SV2C: variants seen among roughly 807,000 people sequenced by gnomAD.
The protein encoded by SV2C is synaptic vesicle glycoprotein 2C.
A neutral mutation model predicts 79.7 loss-of-function variants in SV2C; 49 were observed. The ratio of observed to expected loss-of-function variants is 0.61; its 90% CI spans 0.49 to 0.78. The LOEUF (loss-of-function observed/expected upper bound fraction) is 0.78, where lower values mean the gene tolerates loss of function less well. Among genes scored for constraint, SV2C ranks in the 30% least tolerant of loss-of-function variants. The pLI, the probability that SV2C is intolerant of heterozygous loss-of-function variation, is 0.00. For missense variants in SV2C, 833 were observed against 912.9 expected (o/e 0.91, Z 1.13); for synonymous variants, 334 against 333.2 (o/e 1.00, Z -0.03).
At chr5:76,129,974 A>C (rs1029711772) in intron 1 of SV2C, among the ~76,000 whole-genome samples, 3 of 151,962 alleles carry the variant, frequency 2.0e-5, no homozygotes, top group African/African-American at 7.3e-5. Context: ...TTTTTAAAGT[A>C]GGAAATGTCT....
the SV2C span, among the ~76,000 whole-genome samples, chr5:75,879,902 A>T: frequency 6.6e-6 from 1 of 152,182 alleles, no homozygotes; most frequent in Non-Finnish European, 1.5e-5. Flanking sequence ...ATCTAGGTGG[A>T]ACTCACCAAG....
chr5:75,978,822 C>T, the SV2C span, among the ~76,000 whole-genome samples: 26 of 152,012 alleles, frequency 1.7e-4, no homozygotes, highest in African/African-American at 6.0e-4. Context: ...GGGCTGGGTG[C>T]AGTGGCTCAT....
chr5:76,289,672 A>G (rs893936142), intron 6 of SV2C, among the ~76,000 whole-genome samples: 2 of 152,118 alleles, frequency 1.3e-5, no homozygotes, highest in Non-Finnish European at 2.9e-5. Flanking sequence ...CTGGCCTTCT[A>G]CTATCCTTCA....
chr5:76,223,766 G>T (rs1745161254), intron 4 of SV2C, among the ~76,000 whole-genome samples: 1 of 151,844 alleles, frequency 6.6e-6, no homozygotes, highest in South Asian at 2.1e-4. Context: ...GTCTTAATCT[G>T]CTCAGGCTGC....
chr5:76,174,042 C>T, intron 2 of SV2C: 2 of 1,569,686 alleles, frequency 1.3e-6, no homozygotes, highest in South Asian at 2.2e-5. Context: ...CACTGTTGTG[C>T]ATCTACTTCA....
chr5:76,311,634 T>C (rs753103019), intron 12 of SV2C, among the ~76,000 whole-genome samples: 5 of 152,242 alleles, frequency 3.3e-5, no homozygotes, highest in Non-Finnish European at 7.3e-5. Context: ...AGAGAGCCTA[T>C]TATATGTAAT....
rs77401771 is a variant in SV2C, at chr5:76,252,701, G to C, written c.914-32461G>C. On this transcript the variant is annotated intron_variant, in intron 4 of 12. Coordinates refer to ENST00000502798, the MANE Select transcript of SV2C (RefSeq NM_014979.4). ...TTTTTCTTTTAACAACATTGAAAAA[G>C]AATCAAATAAGCTAGTAGATCGTTA... is the stretch of plus-strand genomic sequence containing the variant. Among the ~76,000 whole-genome samples, 31 of 152,266 alleles carry C rather than the reference G, an allele frequency of 2.0e-4. No homozygotes were observed. In the East Asian group the frequency reaches 6.0e-3, roughly 29 times the overall value.
intron 12 of SV2C, among the ~76,000 whole-genome samples, 158 bp downstream of exon 12, chr5:76,301,703 G>A (rs1363020397): frequency 6.6e-6 from 1 of 152,090 alleles, no homozygotes. Flanking sequence ...GTGGTCAGGA[G>A]TTCGAGACCA....
At chr5:76,257,582 G>T (rs1746326192) in intron 4 of SV2C, among the ~76,000 whole-genome samples, 2 of 151,188 alleles carry the variant, frequency 1.3e-5, no homozygotes, top group Admixed American at 6.6e-5. Context: ...ACATGGATAT[G>T]TGTGGTATGG....
At chr5:75,958,635 T>A in the SV2C span, among the ~76,000 whole-genome samples, 1 of 152,146 alleles carries the variant, frequency 6.6e-6, no homozygotes, top group Non-Finnish European at 1.5e-5. Context: ...GAACAGCTTC[T>A]AGTCACTACT....
intron 4 of SV2C, among the ~76,000 whole-genome samples, chr5:76,280,152 G>C (rs1284493304): frequency 6.6e-6 from 1 of 152,082 alleles, no homozygotes; most frequent in Non-Finnish European, 1.5e-5. Context: ...GTATAAAATG[G>C]TTTTGGATAC....
the SV2C span, among the ~76,000 whole-genome samples, chr5:75,928,759 A>C: frequency 6.6e-6 from 1 of 152,072 alleles, no homozygotes; most frequent in African/African-American, 2.4e-5. Flanking sequence ...GGTTTAAGGA[A>C]GCTTGGAAGA....
the SV2C span, among the ~76,000 whole-genome samples, chr5:76,075,270 G>A: frequency 3.3e-5 from 5 of 152,192 alleles, no homozygotes; most frequent in East Asian, 7.7e-4. Flanking sequence ...TTATATTTTC[G>A]GGAGTAAGGA....
chr5:76,038,074 T>C, the SV2C span, among the ~76,000 whole-genome samples: 4 of 152,220 alleles, frequency 2.6e-5, no homozygotes, highest in African/African-American at 9.6e-5. Flanking sequence ...ACTTCCGGAG[T>C]GAGGCAATGC....
At chr5:75,871,785 C>A in the SV2C span, among the ~76,000 whole-genome samples, 2 of 149,482 alleles carry the variant, frequency 1.3e-5, no homozygotes, top group African/African-American at 4.9e-5. Context: ...TCCAGCCTGG[C>A]AACAGAGCGA....
chr5:76,245,673 T>G (rs1745922269), intron 4 of SV2C, among the ~76,000 whole-genome samples: 2 of 152,194 alleles, frequency 1.3e-5, no homozygotes, highest in South Asian at 2.1e-4. Context: ...TACTGCAGTC[T>G]CCACCAATGA....
At chr5:76,058,769 T>C in the SV2C span, among the ~76,000 whole-genome samples, 1 of 152,096 alleles carries the variant, frequency 6.6e-6, no homozygotes, top group South Asian at 2.1e-4. Flanking sequence ...CAGTTTACAA[T>C]ATAAATAAGA....
chr5:76,338,202 C>T (rs568996018), downstream of SV2C, among the ~76,000 whole-genome samples: 10 of 152,330 alleles, frequency 6.6e-5, no homozygotes, highest in South Asian at 2.1e-3. Flanking sequence ...TCCCTGGGGC[C>T]AGAATGAAGT....
chr5:76,118,692 T>A (rs111819845), intron 1 of SV2C, among the ~76,000 whole-genome samples: 3,355 of 152,166 alleles, frequency 0.022, 132 homozygotes, highest in African/African-American at 0.078. Flanking sequence ...ATTAAAAAAA[T>A]CAAAACTGGC....
Sources: gnomAD v4.1 joint callset for allele counts (sites outside exome capture counted in the v4.1 genomes callset) on GRCh38, gnomAD v4.1.1 for gene constraint, MANE v1.5 for transcripts, NCBI Gene and HGNC (gene_info 2026-07-23, HGNC 2026-07-21) for gene names.